ADAMTSL1: variants seen among roughly 807,000 people sequenced by gnomAD.
ADAMTSL1 encodes the protein ADAMTS like 1, also known as ADAMTS-like protein 1.
A neutral mutation model predicts 201.8 loss-of-function variants in ADAMTSL1; 126 were observed. The observed-to-expected ratio is 0.62, with a 90% CI of 0.54 to 0.72. The LOEUF is 0.72. Among genes scored for constraint, ADAMTSL1 ranks in the 30% least tolerant of loss-of-function variants. ADAMTSL1 has a pLI of 0.00. For synonymous variants in ADAMTSL1, 1,121 were observed against 903.4 expected (o/e 1.24, Z -4.32); for missense variants, 2,679 against 2,277.8 (o/e 1.18, Z -3.59).
intron 2 of ADAMTSL1, among the ~76,000 whole-genome samples, chr9:18,376,096 A>G (rs1295134821): frequency 6.6e-6 from 1 of 152,208 alleles, no homozygotes; most frequent in Non-Finnish European, 1.5e-5. Context: ...TTCACCTTTC[A>G]CTTCTTCTGT....
chr9:18,510,097 G>A (rs954146432), intron 2 of ADAMTSL1, among the ~76,000 whole-genome samples: 2 of 152,140 alleles, frequency 1.3e-5, no homozygotes, highest in Non-Finnish European at 2.9e-5. Context: ...AACCTGCCAG[G>A]CCAATTTTCT....
intron 4 of ADAMTSL1, among the ~76,000 whole-genome samples, chr9:18,620,265 C>T (rs978034941): frequency 6.6e-6 from 1 of 152,008 alleles, no homozygotes; most frequent in South Asian, 2.1e-4. Context: ...GTGTTTTATA[C>T]CTTTTTTCAT....
At chr9:18,896,953 C>T (rs962625471) in intron 26 of ADAMTSL1, among the ~76,000 whole-genome samples, 5 of 152,110 alleles carry the variant, frequency 3.3e-5, no homozygotes, top group East Asian at 1.9e-4. Context: ...AGCTGCCTGC[C>T]GAGTGCATCA....
chr9:18,643,505 G>T (rs903165084), intron 7 of ADAMTSL1, among the ~76,000 whole-genome samples: 1 of 151,896 alleles, frequency 6.6e-6, no homozygotes, highest in Non-Finnish European at 1.5e-5. Context: ...ATTGCAGATT[G>T]TCACCTATGT....
intron 7 of ADAMTSL1, among the ~76,000 whole-genome samples, chr9:18,644,123 T>C (rs556579057): frequency 7.2e-5 from 11 of 152,046 alleles, no homozygotes; most frequent in African/African-American, 2.4e-4. Context: ...ATTGGGGGTT[T>C]TTGGTAGGTA....
At chr9:17,957,381 G>T (rs563749734) in intron 1 of ADAMTSL1, among the ~76,000 whole-genome samples, 1 of 152,190 alleles carries the variant, frequency 6.6e-6, no homozygotes, top group South Asian at 2.1e-4. Flanking sequence ...TAATCAGCAT[G>T]GCTTGGAAGC....
intron 2 of ADAMTSL1, among the ~76,000 whole-genome samples, chr9:18,193,787 T>C (rs1181232896): frequency 6.6e-6 from 1 of 151,892 alleles, no homozygotes; most frequent in African/African-American, 2.4e-5. Context: ...GCCATAAACC[T>C]AGGGTTTTTT....
intron 4 of ADAMTSL1, among the ~76,000 whole-genome samples, chr9:18,619,340 T>C (rs1430527421): frequency 6.6e-6 from 1 of 152,134 alleles, no homozygotes; most frequent in Non-Finnish European, 1.5e-5. Flanking sequence ...TATAAAGTAT[T>C]CCACATTTTA....
chr9:18,577,986 C>CTT (rs71304880), intron 4 of ADAMTSL1, among the ~76,000 whole-genome samples: 67 of 142,378 alleles, frequency 4.7e-4, no homozygotes, highest in South Asian at 9.0e-4. Context: ...TTACTTTTCT[C>CTT]TTTTTTTTTT....
At chr9:18,386,877 A>G (rs1837816280) in intron 2 of ADAMTSL1, among the ~76,000 whole-genome samples, 1 of 152,164 alleles carries the variant, frequency 6.6e-6, no homozygotes, top group South Asian at 2.1e-4. Flanking sequence ...TATATTCTTT[A>G]ATCGTCATCT....
chr9:18,163,250 A>T (rs2132091056), intron 1 of ADAMTSL1, among the ~76,000 whole-genome samples: 1 of 152,144 alleles, frequency 6.6e-6, no homozygotes. Context: ...AATTTGTAAA[A>T]TGTGGCTGAT....
At chr9:18,841,688 G>A (rs1352506065) in intron 23 of ADAMTSL1, among the ~76,000 whole-genome samples, 2 of 152,182 alleles carry the variant, frequency 1.3e-5, no homozygotes, top group East Asian at 1.9e-4. Flanking sequence ...TGGTTGGTAA[G>A]CTATTGATTA....
chr9:18,690,409 C>A (rs1198794541), intron 13 of ADAMTSL1, among the ~76,000 whole-genome samples: 1 of 152,030 alleles, frequency 6.6e-6, no homozygotes, highest in African/African-American at 2.4e-5. Flanking sequence ...ATGTAGTGAA[C>A]CAAACATCAT....
chr9:18,870,094 C>G (rs1015425872), intron 23 of ADAMTSL1, among the ~76,000 whole-genome samples: 1 of 152,076 alleles, frequency 6.6e-6, no homozygotes, highest in Non-Finnish European at 1.5e-5. Context: ...ATAGTTTCTA[C>G]TTGTCTACTG....
chr9:18,376,841 A>G (rs1261699169), intron 2 of ADAMTSL1, among the ~76,000 whole-genome samples: 1 of 152,214 alleles, frequency 6.6e-6, no homozygotes, highest in Non-Finnish European at 1.5e-5. Flanking sequence ...TTGTTCAGAT[A>G]GTCAAGAAAA....
At chr9:18,176,202 T>C (rs1360291170) in intron 2 of ADAMTSL1, among the ~76,000 whole-genome samples, 1 of 152,080 alleles carries the variant, frequency 6.6e-6, no homozygotes, top group African/African-American at 2.4e-5. Flanking sequence ...TATCATTTTA[T>C]ACATATAGAT....
At chr9:18,115,414 C>A (rs916076454) in intron 1 of ADAMTSL1, among the ~76,000 whole-genome samples, 5 of 152,036 alleles carry the variant, frequency 3.3e-5, no homozygotes, top group African/African-American at 7.2e-5. Context: ...TTAGAGAGAA[C>A]AAGTCTACAA....
intron 20 of ADAMTSL1, among the ~76,000 whole-genome samples, chr9:18,814,869 CTTAA>C (rs1823733831): frequency 6.6e-6 from 1 of 152,136 alleles, no homozygotes. Flanking sequence ...GTGCCCCTAA[CTTAA>C]TTAGTTAATT....
intron 23 of ADAMTSL1, among the ~76,000 whole-genome samples, chr9:18,830,883 A>C (rs544044160): frequency 1.3e-5 from 2 of 152,228 alleles, no homozygotes; most frequent in Non-Finnish European, 2.9e-5. Context: ...AAATCTTCAT[A>C]CTAAGTCTAT....
Sources: allele counts gnomAD v4.1 joint callset (sites outside exome capture counted in the v4.1 genomes callset), GRCh38; gene constraint gnomAD v4.1.1; transcripts MANE v1.5; gene names NCBI Gene and HGNC (gene_info 2026-07-23, HGNC 2026-07-21).